Variants in IFT80 observed in about 807,000 individuals in gnomAD.
IFT80 encodes the protein intraflagellar transport 80, also known as intraflagellar transport protein 80 homolog.
A neutral mutation model predicts 107.9 loss-of-function variants in IFT80; 79 were observed. The observed-to-expected ratio is 0.73, with a 90% CI of 0.61 to 0.88. IFT80 has a LOEUF of 0.88. Ranked by LOEUF, IFT80 falls within the 40% of genes least tolerant of loss-of-function variation. The probability of loss-of-function intolerance (pLI) is 0.00; values close to 1 mark genes in which losing one functional copy is unlikely to be tolerated. For missense variants in IFT80, 797 were observed against 914.2 expected, an observed-to-expected ratio of 0.87 and a Z score of 1.65; for synonymous variants, 299 against 300.9, an observed-to-expected ratio of 0.99 and a Z score of 0.07.
At chr3:160,299,970 C>T (rs1576773088) in intron 12 of IFT80, among the ~76,000 whole-genome samples, 1 of 152,158 alleles carries the variant, frequency 6.6e-6, no homozygotes, top group East Asian at 1.9e-4. Flanking sequence ...GATCTGGTTC[C>T]TGCCTATCTC....
chr3:160,353,703 T>TA (rs1250256991), intron 8 of IFT80, among the ~76,000 whole-genome samples: 2 of 152,192 alleles, frequency 1.3e-5, no homozygotes, highest in East Asian at 1.9e-4. Flanking sequence ...AGTGCTTGTA[T>TA]AAAAAACTTC....
intron 11 of IFT80, among the ~76,000 whole-genome samples, chr3:160,302,065 T>C (rs774920257): frequency 1.2e-4 from 18 of 152,046 alleles, no homozygotes; most frequent in Non-Finnish European, 2.5e-4. Context: ...TGAAAAGTTG[T>C]ATTGATTTAC....
At chr3:160,393,448 T>C (rs1713534518) in intron 1 of IFT80, among the ~76,000 whole-genome samples, 2 of 152,198 alleles carry the variant, frequency 1.3e-5, no homozygotes, top group Non-Finnish European at 2.9e-5. Flanking sequence ...TGAATTCCAC[T>C]TATATAAGGT....
At chr3:160,340,181 G>C (rs79343281) in intron 8 of IFT80, among the ~76,000 whole-genome samples, 5,322 of 152,136 alleles carry the variant, frequency 0.035, 326 homozygotes, top group African/African-American at 0.12. Flanking sequence ...TTAAATCAAA[G>C]GAATAAAGCT....
Position 160,356,013 on chromosome 3 carries a change from C to T in IFT80, c.777G>A (p.Gly259=). 2 of 1,613,882 alleles carry T rather than the reference C, an allele frequency of 1.2e-6. No homozygotes were observed. Among genetic ancestry groups the T allele is most frequent in the East Asian group, 2.2e-5 (1 of 44,870 alleles). The change falls in exon 8 of 20, where the codon GGG becomes GGA. Residue 259 remains glycine, a splice_region_variant and synonymous_variant. Coordinates refer to ENST00000326448, the MANE Select transcript of IFT80 (RefSeq NM_020800.3). ...GTGATTGCTCACCACTATAACTTAC[C>T]CCAGTTTTATCACACAAGCGTAAAG... ...FHTLRLCDKT[G]WSYALEKPNT...
chr3:160,268,199 C>T (rs1713497853), intron 19 of IFT80, among the ~76,000 whole-genome samples: 1 of 152,088 alleles, frequency 6.6e-6, no homozygotes, highest in African/African-American at 2.4e-5. Flanking sequence ...ATTATGAAGA[C>T]AGACTTGAGT....
At chr3:160,324,813 T>G (rs1244205861) in intron 8 of IFT80, among the ~76,000 whole-genome samples, 3 of 152,204 alleles carry the variant, frequency 2.0e-5, no homozygotes, top group Non-Finnish European at 4.4e-5. Context: ...TAAAGGGTAT[T>G]CAATTAGGAA....
intron 8 of IFT80, among the ~76,000 whole-genome samples, chr3:160,323,978 C>G (rs923250246): frequency 6.6e-6 from 1 of 152,052 alleles, no homozygotes; most frequent in African/African-American, 2.4e-5. Context: ...ATACAAACTA[C>G]CATCAGAGAA....
intron 8 of IFT80, among the ~76,000 whole-genome samples, chr3:160,337,007 T>C (rs1719532935): frequency 6.6e-6 from 1 of 152,220 alleles, no homozygotes; most frequent in Non-Finnish European, 1.5e-5. Context: ...TTTTAAGTAA[T>C]AACCCTTTTA....
chr3:160,302,936 T>C (rs1475036285), intron 11 of IFT80, among the ~76,000 whole-genome samples: 2 of 152,198 alleles, frequency 1.3e-5, no homozygotes, highest in East Asian at 3.8e-4. Context: ...AGAATCATTA[T>C]ACTACTCAGC....
chr3:160,377,957 C>T (rs1270719763), intron 3 of IFT80: 1 of 153,850 alleles, frequency 6.5e-6, no homozygotes, highest in East Asian at 1.9e-4. Flanking sequence ...ATTCGTAAAC[C>T]ACAATGATCC....
intron 14 of IFT80, 127 bp from the exon 15 acceptor site, chr3:160,280,941 C>G: frequency 1.3e-6 from 1 of 794,262 alleles, no homozygotes; most frequent in Non-Finnish European, 2.1e-6. Context: ...CTTTCTGATT[C>G]TATAATGGTG....
chr3:160,349,689 A>T (rs1334201867), intron 8 of IFT80, among the ~76,000 whole-genome samples: 1 of 152,222 alleles, frequency 6.6e-6, no homozygotes, highest in South Asian at 2.1e-4. Context: ...TTTAAGGGTA[A>T]CATTTCCAGA....
At chr3:160,354,346 C>A (rs1311543321) in intron 8 of IFT80, among the ~76,000 whole-genome samples, 6 of 152,004 alleles carry the variant, frequency 3.9e-5, no homozygotes, top group African/African-American at 1.4e-4. Flanking sequence ...TGAGACAGGC[C>A]TTTAAGAATG....
chr3:160,389,901 G>A (rs566300675), intron 1 of IFT80, among the ~76,000 whole-genome samples: 16 of 152,148 alleles, frequency 1.1e-4, no homozygotes, highest in African/African-American at 3.4e-4. Context: ...CTGAGGAATC[G>A]CCACACTGAC....
intron 12 of IFT80, among the ~76,000 whole-genome samples, chr3:160,290,211 C>T (rs888095302): frequency 7.3e-5 from 11 of 151,504 alleles, no homozygotes; most frequent in East Asian, 1.9e-4. Context: ...GTTTGAGACC[C>T]GCCTGGCCAA....
intron 11 of IFT80, among the ~76,000 whole-genome samples, chr3:160,301,810 C>T (rs566792300): frequency 4.6e-5 from 7 of 151,908 alleles, no homozygotes; most frequent in African/African-American, 1.4e-4. Context: ...AAACAAAAGA[C>T]CTCTTGAGAT....
At chr3:160,361,970 G>A (rs1169570494) in intron 6 of IFT80, among the ~76,000 whole-genome samples, 1 of 152,136 alleles carries the variant, frequency 6.6e-6, no homozygotes, top group Non-Finnish European at 1.5e-5. Flanking sequence ...AAAAGAACTA[G>A]AGAAACAAGA....
chr3:160,303,664 GAT>G (rs1716610083), intron 11 of IFT80, among the ~76,000 whole-genome samples: 1 of 152,096 alleles, frequency 6.6e-6, no homozygotes, highest in African/African-American at 2.4e-5. Context: ...CGTAAATGCT[GAT>G]ATATTTAATC....
Sources: allele counts gnomAD v4.1 joint callset (sites outside exome capture counted in the v4.1 genomes callset), GRCh38; gene constraint gnomAD v4.1.1; transcripts MANE v1.5; gene names NCBI Gene and HGNC (gene_info 2026-07-23, HGNC 2026-07-21).